RBFOX1: variants seen among roughly 807,000 people sequenced by gnomAD.
RBFOX1 encodes the protein RNA binding fox-1 homolog 1.
Under a neutral mutation model 57.7 loss-of-function variants are expected in RBFOX1, and 8 were observed. The ratio of observed to expected loss-of-function variants is 0.14; its 90% CI spans 0.08 to 0.25. The LOEUF is 0.25. Among genes scored for constraint, RBFOX1 ranks in the 10% least tolerant of loss-of-function variants. The pLI, the probability that RBFOX1 is intolerant of heterozygous loss-of-function variation, is 1.00. For synonymous variants in RBFOX1, 326 were observed against 222.4 expected (o/e 1.47, Z -4.15); for missense variants, 611 against 548.5 (o/e 1.11, Z -1.14).
chr16:6,768,774 G>T (rs1334049467), intron 3 of RBFOX1, among the ~76,000 whole-genome samples: 1 of 149,802 alleles, frequency 6.7e-6, no homozygotes, highest in African/African-American at 2.5e-5. Context: ...TTGTCGCCAG[G>T]TTGGAGTGCA....
At chr16:5,668,587 C>T (rs2049921610) in intron 3 of RBFOX1, among the ~76,000 whole-genome samples, 1 of 152,170 alleles carries the variant, frequency 6.6e-6, no homozygotes, top group African/African-American at 2.4e-5. Flanking sequence ...AAACTGCAGC[C>T]TGGGAAGGCT....
chr16:6,009,215 C>T (rs964250024), intron 4 of RBFOX1, among the ~76,000 whole-genome samples: 1 of 151,790 alleles, frequency 6.6e-6, no homozygotes, highest in South Asian at 2.1e-4. Context: ...ACTTCGTGGT[C>T]TCTAAAAAAG....
chr16:7,315,812 G>T (rs903803891), intron 4 of RBFOX1, among the ~76,000 whole-genome samples: 1 of 152,124 alleles, frequency 6.6e-6, no homozygotes, highest in African/African-American at 2.4e-5. Context: ...ATTCGTGAGT[G>T]TCTCATTGTT....
chr16:7,145,974 A>G (rs2152211241), intron 4 of RBFOX1, among the ~76,000 whole-genome samples: 1 of 152,298 alleles, frequency 6.6e-6, no homozygotes, highest in African/African-American at 2.4e-5. Context: ...TTTCTCTGCA[A>G]CTAGTCACCC....
intron 4 of RBFOX1, among the ~76,000 whole-genome samples, chr16:7,515,176 C>G (rs376471082): frequency 6.4e-4 from 97 of 151,918 alleles, no homozygotes; most frequent in African/African-American, 2.2e-3. Flanking sequence ...AGTGGCATCG[C>G]TATGAAATTT....
At chr16:7,512,346 C>G (rs963823269) in intron 4 of RBFOX1, among the ~76,000 whole-genome samples, 5 of 152,170 alleles carry the variant, frequency 3.3e-5, no homozygotes, top group African/African-American at 1.2e-4. Context: ...AGCTAAGAAT[C>G]CAGGAATGTC....
intron 2 of RBFOX1, among the ~76,000 whole-genome samples, chr16:5,468,857 T>C (rs1331473985): frequency 1.3e-5 from 2 of 152,212 alleles, no homozygotes; most frequent in African/African-American, 2.4e-5. Flanking sequence ...TCCTGGGAGA[T>C]TGGATCCATC....
chr16:7,294,592 GTGGGACTTACTCCTGCTC>G lies in RBFOX1; in HGVS notation c.28-223553_28-223536del, dbSNP rs1386962807. ...AAGCTTAGGGCAAGCTGTGGATAGG[GTGGGACTTACTCCTGCTC>G]TAATTGAGTAAGGACAAGAAAGCTA... On this transcript the variant is annotated intron_variant, in intron 4 of 15. Transcript: ENST00000550418. Among the ~76,000 whole-genome samples, 18 of 152,130 alleles carry G rather than the reference GTGGGACTTACTCCTGCTC, an allele frequency of 1.2e-4. No individual in the cohort carries two copies. The South Asian group carries it at 3.3e-3, about 28-fold the overall frequency.
rs556074798 is a variant in RBFOX1 at position 6,485,402 on chromosome 16, C to T, written c.-64+168345C>T. On this transcript the variant is annotated intron_variant, in intron 2 of 15. Transcript: ENST00000550418. ...CCTCTGGGTATTTCTTCCTCCTTATCCCATTTTTTTTCATCTACGTGTATT... is the reference window on the plus strand; with the variant it reads ...CCTCTGGGTATTTCTTCCTCCTTATTCCATTTTTTTTCATCTACGTGTATT... 1.6e-3 allele frequency among the ~76,000 whole-genome samples: 244 copies of T among 151,154 alleles called. 2 individuals are homozygous for T. Among genetic ancestry groups the T allele is most frequent in the Middle Eastern group, 0.014 (4 of 294 alleles).
chr16:6,874,198 T>G (rs1360385596), intron 3 of RBFOX1, among the ~76,000 whole-genome samples: 1 of 151,580 alleles, frequency 6.6e-6, no homozygotes, highest in Non-Finnish European at 1.5e-5. Flanking sequence ...CACAAACACA[T>G]GCTACTCAGC....
chr16:6,901,317 G>T (rs7200840), intron 3 of RBFOX1, among the ~76,000 whole-genome samples: 123,213 of 152,168 alleles, frequency 0.81, 50,645 homozygotes, highest in African/African-American at 0.95. Flanking sequence ...TTAGCAACAC[G>T]GCAAGTCAAC....
intron 2 of RBFOX1, among the ~76,000 whole-genome samples, chr16:6,513,527 A>C (rs1007273648): frequency 5.3e-5 from 8 of 152,166 alleles, no homozygotes; most frequent in Non-Finnish European, 1.0e-4. Flanking sequence ...TGAGGTCAGG[A>C]GTTCGAGACC....
intron 2 of RBFOX1, among the ~76,000 whole-genome samples, chr16:6,374,118 TA>T (rs2090861361): frequency 6.6e-6 from 1 of 152,236 alleles, no homozygotes; most frequent in South Asian, 2.1e-4. Flanking sequence ...GATGCTGTAT[TA>T]GTTTCTTCAA....
intron 3 of RBFOX1, among the ~76,000 whole-genome samples, chr16:5,746,728 T>A (rs1221420919): frequency 6.6e-6 from 1 of 152,248 alleles, no homozygotes; most frequent in African/African-American, 2.4e-5. Context: ...ACTCATGATT[T>A]GGCTCTCTGT....
chr16:6,631,075 G>C (rs2098379338), intron 2 of RBFOX1, among the ~76,000 whole-genome samples: 1 of 151,782 alleles, frequency 6.6e-6, no homozygotes, highest in African/African-American at 2.4e-5. Context: ...AGAGAGAGAG[G>C]GCATTTGGAG....
At chr16:7,261,607 A>G (rs901180681) in intron 4 of RBFOX1, among the ~76,000 whole-genome samples, 7 of 152,212 alleles carry the variant, frequency 4.6e-5, no homozygotes, top group Non-Finnish European at 8.8e-5. Flanking sequence ...GAGGCAGTAT[A>G]GAATGAGGCT....
At chr16:6,614,610 G>A (rs1000920330) in intron 2 of RBFOX1, among the ~76,000 whole-genome samples, 1 of 152,108 alleles carries the variant, frequency 6.6e-6, no homozygotes, top group African/African-American at 2.4e-5. Context: ...TCAAAGTGTG[G>A]GCAGGCTTGG....
intron 4 of RBFOX1, among the ~76,000 whole-genome samples, chr16:7,279,936 G>A (rs1568010880): frequency 6.6e-6 from 1 of 152,174 alleles, no homozygotes; most frequent in South Asian, 2.1e-4. Context: ...TGAGAAACCA[G>A]TGGGCCTGGT....
At chr16:5,360,336 A>G (rs2065510020) in intron 1 of RBFOX1, among the ~76,000 whole-genome samples, 2 of 152,184 alleles carry the variant, frequency 1.3e-5, no homozygotes, top group African/African-American at 4.8e-5. Context: ...CTGAGGGAGT[A>G]TATCAGCGCC....
Sources: gnomAD v4.1 joint callset for allele counts (sites outside exome capture counted in the v4.1 genomes callset) on GRCh38, gnomAD v4.1.1 for gene constraint, MANE v1.5 for transcripts, NCBI Gene and HGNC (gene_info 2026-07-23, HGNC 2026-07-21) for gene names.